LRP1: variants seen among roughly 807,000 people sequenced by gnomAD.
LRP1 encodes the protein LDL receptor related protein 1.
In LRP1, 51 loss-of-function variants were observed where a neutral mutation model predicts 541.5. That is an observed-to-expected ratio of 0.09 (90% CI 0.08 to 0.12). LRP1 has a LOEUF of 0.12. Ranked by LOEUF, LRP1 falls within the 10% of genes least tolerant of loss-of-function variation. LRP1 has a pLI of 1.00. For missense variants in LRP1, 3,878 were observed against 6,376.2 expected (o/e 0.61, Z 13.34); for synonymous variants, 2,219 against 2,470.8 (o/e 0.90, Z 3.02).
In LRP1 at chr12:57,201,287, C is replaced by G. The variant is rs1052378470; in HGVS notation, c.10345+134C>G. The G allele has an allele frequency of 3.5e-6, 5 of 1,417,238 alleles. No individual in the cohort carries two copies. Among genetic ancestry groups the G allele is most frequent in the Non-Finnish European group, 4.8e-6 (5 of 1,036,390 alleles). 87.8% of individuals were successfully genotyped at this position (1,417,238 alleles called of 1,614,324 possible). ...GCAACACAAATTATATTGGGTGTAA[C>G]TTGCTTTGCTCATAAAAATCATCAT... On this transcript the variant is annotated intron_variant, in intron 65 of 88. Transcript: ENST00000243077. The surrounding 1 kb of genome is among the most constrained non-coding windows in gnomAD (Gnocchi z 6.4).
At chr12:57,138,660 A>G in intron 2 of LRP1, 79 bp downstream of exon 2, 6 of 1,567,332 alleles carry the variant, frequency 3.8e-6, no homozygotes, top group Non-Finnish European at 5.2e-6. Flanking sequence ...GGAGGAGGAC[A>G]GCTGATCCCT....
Position 57,212,849 on chromosome 12 carries a change from G to C in LRP1, c.*294G>C, listed in dbSNP as rs1455619386. On this transcript the variant is annotated 3_prime_UTR_variant, in exon 89 of 89. Coordinates refer to ENST00000243077, the MANE Select transcript of LRP1 (RefSeq NM_002332.3). This position sits in a 1 kb window ranked among gnomAD's most constrained non-coding sequence, Gnocchi z 5.0. Reference sequence around the variant, plus strand: ...CACCAGAACGCACCCCACTGGGAGAGCTGGTGGTGCAGCCTTCCCCTCCCT... The same window carrying C: ...CACCAGAACGCACCCCACTGGGAGACCTGGTGGTGCAGCCTTCCCCTCCCT... 5 of 346,532 alleles carry C rather than the reference G, an allele frequency of 1.4e-5. No individual in the cohort carries two copies. The highest frequency in any genetic ancestry group is 1.1e-4 in the African/African-American group (5 of 46,512). 21.5% of individuals were successfully genotyped at this position (346,532 alleles called of 1,614,324 possible).
At chr12:57,136,402 C>CCG (rs1555179776) in intron 1 of LRP1, among the ~76,000 whole-genome samples, 5 of 146,674 alleles carry the variant, frequency 3.4e-5, no homozygotes, top group Admixed American at 6.7e-5. Flanking sequence ...AGAGCCCCCC[C>CCG]CCCCCGCCAT....
At chr12:57,160,120 C>G (rs1451584816) in intron 12 of LRP1, 115 bp downstream of exon 12, 1 of 1,029,630 alleles carries the variant, frequency 9.7e-7, no homozygotes, top group Non-Finnish European at 1.4e-6. Context: ...GATACTTTAG[C>G]AGGAATGAGA....
chr12:57,197,632 C>A lies in LRP1; in HGVS notation c.9250C>A (p.Arg3084=). ...TDVTTQGSMI[R]RMHLNGSNVQ... is the part of the protein sequence containing the mutation. ...TGTGACCACCCAGGGCAGCATGATC[C>A]GAAGGATGCACCTTAACGGGAGCAA... Residue 3084 remains arginine (R), a synonymous_variant, in exon 58 of 89, where the codon CGA becomes AGA. Transcript: ENST00000243077. The surrounding 1 kb of genome is among the most constrained non-coding windows in gnomAD (Gnocchi z 4.5). The A allele has an allele frequency of 1.2e-6, 2 of 1,614,020 alleles. No homozygotes were observed. Among genetic ancestry groups the A allele is most frequent in the South Asian group, 1.1e-5 (1 of 91,062 alleles).
Position 57,185,399 on chromosome 12 carries a change from G to A in LRP1, c.6464-132G>A. On this transcript the variant is annotated intron_variant, in intron 40 of 88. Coordinates refer to ENST00000243077, the MANE Select transcript of LRP1 (RefSeq NM_002332.3). This position sits in a 1 kb window ranked among gnomAD's most constrained non-coding sequence, Gnocchi z 4.9. ...GGGACAGATCTTGGCATTGGACTCT[G>A]GGCCCTGGAGGGTCATTCAAGCTGG... 7.5e-7 allele frequency: 1 copy of A among 1,329,352 alleles called. No homozygotes were observed. The highest frequency in any genetic ancestry group is 1.5e-5 in the African/African-American group (1 of 67,958). 82.3% of individuals were successfully genotyped at this position (1,329,352 alleles called of 1,614,324 possible). A position where few individuals can be genotyped will look rare whatever the true frequency, so the allele number is the denominator to read the frequency against.
At chr12:57,155,008 A>C (rs1239829399) in intron 8 of LRP1, 2 of 581,040 alleles carry the variant, frequency 3.4e-6, no homozygotes, top group African/African-American at 1.9e-5. Context: ...CAGCAGATGA[A>C]AAAGCAGGAT....
chr12:57,155,034 A>G (rs2035593366), intron 8 of LRP1: 2 of 554,926 alleles, frequency 3.6e-6, no homozygotes, highest in Non-Finnish European at 6.4e-6. Flanking sequence ...AGGTTAGGTG[A>G]TTTGCCTGTG....
At chr12:57,139,694 C>T (rs1035349869) in intron 2 of LRP1, among the ~76,000 whole-genome samples, 6 of 152,186 alleles carry the variant, frequency 3.9e-5, no homozygotes, top group African/African-American at 1.4e-4. Flanking sequence ...GATGAGCCCA[C>T]CTCCCACCCA....
Position 57,205,252 on chromosome 12 carries a change from G to A in LRP1, c.11335+3G>A. 1 of 1,608,988 alleles carries A rather than the reference G, an allele frequency of 6.2e-7. No homozygotes were observed. Among genetic ancestry groups the A allele is most frequent in the Non-Finnish European group, 8.5e-7 (1 of 1,176,510 alleles). ...TGACGAGGAGGACTGCAGCATCGGTGAGGCCCGGCAGCGGACCGGACGCTG... is the reference window on the plus strand; with the variant it reads ...TGACGAGGAGGACTGCAGCATCGGTAAGGCCCGGCAGCGGACCGGACGCTG... On this transcript the variant is annotated splice_donor_region_variant and intron_variant, in intron 73 of 88. Transcript: ENST00000243077. This position sits in a 1 kb window ranked among gnomAD's most constrained non-coding sequence, Gnocchi z 4.6.
chr12:57,183,456 G>A lies in LRP1; in HGVS notation c.5740G>A (p.Ala1914Thr), dbSNP rs142834460. 1.2e-6 allele frequency: 2 copies of A among 1,614,198 alleles called. No homozygotes were observed. Among genetic ancestry groups the A allele is most frequent in the Non-Finnish European group, 1.7e-6 (2 of 1,180,014 alleles). The change falls in exon 35 of 89, where the codon GCC becomes ACC. Residue 1914 changes from alanine to threonine, a missense_variant. By Grantham distance (58) the Ala-to-Thr change is moderately conservative. This residue lies in a region of LRP1 where 394 missense variants were observed against 635.9 expected (regional missense o/e 0.62). Coordinates refer to ENST00000243077, the MANE Select transcript of LRP1 (RefSeq NM_002332.3). The surrounding 1 kb of genome is among the most constrained non-coding windows in gnomAD (Gnocchi z 6.1). The stretch of plus-strand genomic sequence containing the variant: ...CCTGGATCCCAATGACAAGTCAGAT[G>A]CCCTGGTCCCAGTGTCCGGGACCTC... The part of the protein sequence containing the change: ...IPLDPNDKSD[A>T]LVPVSGTSLA...
At position 57,201,238 on chromosome 12, in the gene LRP1, C is replaced by A; in HGVS notation, c.10345+85C>A. The A allele has an allele frequency of 6.3e-7, 1 of 1,580,856 alleles. No individual in the cohort carries two copies. Among genetic ancestry groups the A allele is most frequent in the South Asian group, 1.1e-5 (1 of 87,600 alleles). Reference sequence around the variant, plus strand: ...AGAATCTCCCCACAGCTTTGAGAGGCTCTCAAATAACTTTAGTAGATGGGC... The same window carrying A: ...AGAATCTCCCCACAGCTTTGAGAGGATCTCAAATAACTTTAGTAGATGGGC... On this transcript the variant is annotated intron_variant, in intron 65 of 88. Transcript: ENST00000243077. This position sits in a 1 kb window ranked among gnomAD's most constrained non-coding sequence, Gnocchi z 6.4.
intron 61 of LRP1, 90 bp downstream of exon 61, chr12:57,199,490 C>A: frequency 7.2e-7 from 1 of 1,393,146 alleles, no homozygotes; most frequent in Non-Finnish European, 9.9e-7. Flanking sequence ...TAGCATTGAC[C>A]AAGCCCTCCT....
rs377241209 is a variant in LRP1, at chr12:57,185,608, G to A, written c.6541G>A (p.Ala2181Thr). 13 of 1,609,788 alleles carry A rather than the reference G, an allele frequency of 8.1e-6. No individual in the cohort carries two copies. Among genetic ancestry groups the A allele is most frequent in the Middle Eastern group, 3.3e-4 (2 of 6,082 alleles). The change falls in exon 41 of 89, where the codon GCC (alanine) becomes ACC (threonine). Residue 2181 changes from alanine (A) to threonine (T), a missense_variant. By Grantham distance (58) the Ala-to-Thr change is moderately conservative (BLOSUM62 0). This residue lies in a region of LRP1 where 1,100 missense variants were observed against 1,827.4 expected (regional missense o/e 0.60). Transcript: ENST00000243077. The surrounding 1 kb of genome is among the most constrained non-coding windows in gnomAD (Gnocchi z 4.9). ...LYRGRGQRACACAHGMLAEDG... is the reference protein window; with the variant it reads ...LYRGRGQRACTCAHGMLAEDG... The stretch of plus-strand genomic sequence containing the variant: ...CCGGGGCCGTGGGCAGCGGGCCTGC[G>A]CCTGTGCCCACGGGATGCTGGCTGA...
At chr12:57,203,972 G>A (rs560664575) in intron 70 of LRP1, 1 of 195,232 alleles carries the variant, frequency 5.1e-6, no homozygotes, top group Non-Finnish European at 1.0e-5. Flanking sequence ...GATGAGAAAA[G>A]ACTGGGCCTT....
chr12:57,212,464 A>T lies in LRP1; in HGVS notation c.13544A>T (p.His4515Leu). 6.2e-7 allele frequency: 1 copy of T among 1,614,078 alleles called. No homozygotes were observed. The highest frequency in any genetic ancestry group is 8.5e-7 in the Non-Finnish European group (1 of 1,179,996). Residue 4515 changes from histidine (H) to leucine (L), a missense_variant, in exon 89 of 89, where the codon CAT becomes CTT. By Grantham distance (99) the His-to-Leu change is moderately conservative (BLOSUM62 -3). Around this residue, in one of 13 missense-constraint regions of LRP1, gnomAD observed 871 missense variants for 1,212.4 expected, o/e 0.72. Coordinates refer to ENST00000243077, the MANE Select transcript of LRP1 (RefSeq NM_002332.3). The surrounding 1 kb of genome is among the most constrained non-coding windows in gnomAD (Gnocchi z 5.0). ...PVYATLYMGG[H>L]GSRHSLASTD... ...TATGCCACACTCTACATGGGGGGCC[A>T]TGGCAGTCGCCACTCCCTGGCCAGC...
chr12:57,158,354 G>A lies in LRP1; in HGVS notation c.1562-48G>A. The A allele has an allele frequency of 3.4e-6, 5 of 1,477,842 alleles. No homozygotes were observed. Among genetic ancestry groups the A allele is most frequent in the Non-Finnish European group, 4.6e-6 (5 of 1,075,840 alleles). 91.5% of individuals were successfully genotyped at this position (1,477,842 alleles called of 1,614,324 possible). ...TTGGCCGCAGCCCCTGGGTGGGGAT[G>A]ATGGTCATGTGTGTGTCTGACTGTA... On this transcript the variant is annotated intron_variant, in intron 10 of 88. Transcript: ENST00000243077. This position sits in a 1 kb window ranked among gnomAD's most constrained non-coding sequence, Gnocchi z 5.3.
At position 57,177,003 on chromosome 12, in the gene LRP1, C is replaced by T; in HGVS notation, c.3992-38C>T. On this transcript the variant is annotated intron_variant, in intron 24 of 88. Coordinates refer to ENST00000243077, the MANE Select transcript of LRP1 (RefSeq NM_002332.3). This position sits in a 1 kb window ranked among gnomAD's most constrained non-coding sequence, Gnocchi z 6.8. ...TTTCACACATTCATGCACAGCTCCC[C>T]AGGAGACGCTAACCTTTCACTGCCC... 6.4e-7 allele frequency: 1 copy of T among 1,565,176 alleles called. No homozygotes were observed. Among genetic ancestry groups the T allele is most frequent in the Non-Finnish European group, 8.8e-7 (1 of 1,138,008 alleles).
At chr12:57,186,380 T>C (rs1197803138) in intron 41 of LRP1, among the ~76,000 whole-genome samples, 2 of 152,204 alleles carry the variant, frequency 1.3e-5, no homozygotes, top group African/African-American at 4.8e-5. Context: ...AGTTACAGTG[T>C]CAGGGCTGTC....
Sources: gnomAD v4.1 joint callset for allele counts (sites outside exome capture counted in the v4.1 genomes callset) on GRCh38, gnomAD v4.1.1 for gene constraint, gnomAD v4.1.1 regional missense constraint, Gnocchi (gnomAD v3.1) non-coding constraint, MANE v1.5 for transcripts, NCBI Gene and HGNC (gene_info 2026-07-23, HGNC 2026-07-21) for gene names.